Variants in CFAP20DC observed in about 807,000 individuals in gnomAD.
CFAP20DC encodes CFAP20 domain containing.
In CFAP20DC, 84 loss-of-function variants were observed where a neutral mutation model predicts 101.7. That is an observed-to-expected ratio of 0.83 (90% CI 0.69 to 0.99). The LOEUF (loss-of-function observed/expected upper bound fraction) is 0.99. Ranked by LOEUF, CFAP20DC falls within the 50% of genes least tolerant of loss-of-function variation. The pLI is 0.00. For missense variants in CFAP20DC, 1,007 were observed against 970.3 expected (o/e 1.04, Z -0.50); for synonymous variants, 359 against 351.2 (o/e 1.02, Z -0.25).
At chr3:58,774,255 T>C (rs1035830162) in intron 15 of CFAP20DC, among the ~76,000 whole-genome samples, 3 of 152,220 alleles carry the variant, frequency 2.0e-5, no homozygotes, top group Non-Finnish European at 4.4e-5. Flanking sequence ...TATGGTTTTC[T>C]TGATTAACAA....
intron 15 of CFAP20DC, among the ~76,000 whole-genome samples, chr3:58,754,675 CTAAA>C (rs567869061): frequency 3.3e-5 from 5 of 152,270 alleles, no homozygotes; most frequent in Admixed American, 3.3e-4. Context: ...GTCTTTATAA[CTAAA>C]TAATTTCTTT....
chr3:59,048,667 C>T (rs1313526324), intron 1 of CFAP20DC, among the ~76,000 whole-genome samples: 1 of 152,164 alleles, frequency 6.6e-6, no homozygotes, highest in Admixed American at 6.5e-5. Context: ...CTGCAGACTA[C>T]TCCGAGAGCA....
chr3:58,915,814 A>G (rs913387072), intron 5 of CFAP20DC, among the ~76,000 whole-genome samples: 6 of 152,142 alleles, frequency 3.9e-5, no homozygotes, highest in African/African-American at 1.4e-4. Flanking sequence ...ATCTAATCAT[A>G]CTGTCAACTC....
chr3:58,853,080 C>T (rs1158784705), intron 12 of CFAP20DC, among the ~76,000 whole-genome samples: 1 of 152,084 alleles, frequency 6.6e-6, no homozygotes, highest in African/African-American at 2.4e-5. Flanking sequence ...AATTGATAGA[C>T]CGCTAGCAAG....
intron 5 of CFAP20DC, among the ~76,000 whole-genome samples, chr3:58,921,706 G>A (rs1017556518): frequency 6.6e-6 from 1 of 152,144 alleles, no homozygotes; most frequent in African/African-American, 2.4e-5. Flanking sequence ...TTCTGCACTT[G>A]TCAGGTGTTC....
chr3:58,913,904 T>C lies in CFAP20DC; in HGVS notation c.394-40A>G. 6.2e-7 allele frequency: 1 copy of C among 1,604,926 alleles called. No homozygotes were observed. The highest frequency in any genetic ancestry group is 8.5e-7 in the Non-Finnish European group (1 of 1,173,330). On this transcript the variant is annotated intron_variant, in intron 5 of 16. Transcript: ENST00000482387. This position sits in a 1 kb window ranked among gnomAD's most constrained non-coding sequence, Gnocchi z 4.4. ...TGCAAAGAAGAGTAAGGACCTTTCA[T>C]CAACACATAAATGAACAAACCATCT...
At chr3:58,826,480 G>A (rs2076050134) in intron 14 of CFAP20DC, among the ~76,000 whole-genome samples, 1 of 152,010 alleles carries the variant, frequency 6.6e-6, no homozygotes, top group Non-Finnish European at 1.5e-5. Context: ...GACGGGCACT[G>A]CTGTGTGATG....
chr3:58,941,611 C>G (rs978875502), intron 4 of CFAP20DC, among the ~76,000 whole-genome samples: 7 of 151,686 alleles, frequency 4.6e-5, no homozygotes, highest in African/African-American at 1.7e-4. Flanking sequence ...CTCTGTGGCC[C>G]AGGCTGGAGT....
chr3:59,029,203 T>C (rs1355144094), intron 4 of CFAP20DC, among the ~76,000 whole-genome samples: 1 of 152,118 alleles, frequency 6.6e-6, no homozygotes, highest in African/African-American at 2.4e-5. Flanking sequence ...GCCTATTACG[T>C]GTCATGCCTT....
At chr3:59,029,208 T>C (rs1242997593) in intron 4 of CFAP20DC, among the ~76,000 whole-genome samples, 1 of 152,284 alleles carries the variant, frequency 6.6e-6, no homozygotes, top group South Asian at 2.1e-4. Flanking sequence ...TTACGTGTCA[T>C]GCCTTGTGCT....
At chr3:58,915,671 A>G (rs1400321318) in intron 5 of CFAP20DC, among the ~76,000 whole-genome samples, 1 of 152,118 alleles carries the variant, frequency 6.6e-6, no homozygotes, top group African/African-American at 2.4e-5. Flanking sequence ...CATGGTGGGT[A>G]TGTGGGGAGG....
In CFAP20DC at chr3:58,863,269, A is replaced by G. The variant is rs572617954; in HGVS notation, c.1593+289T>C. ...TCTTGCTATCATAGCACTAAACTGC[A>G]TATCGTTTCTCATCCTGTGATTCAA... On this transcript the variant is annotated intron_variant, in intron 12 of 16. Coordinates refer to ENST00000482387, the MANE Select transcript of CFAP20DC (RefSeq NM_001394063.1). The surrounding 1 kb of genome is among the most constrained non-coding windows in gnomAD (Gnocchi z 5.9). 3 of 1,401,994 alleles carry G rather than the reference A, an allele frequency of 2.1e-6. No homozygotes were observed. In the East Asian group the frequency reaches 7.8e-5, roughly 36 times the overall value. 86.8% of individuals were successfully genotyped at this position (1,401,994 alleles called of 1,614,324 possible). A position where few individuals can be genotyped will look rare whatever the true frequency, so the allele number is the denominator to read the frequency against.
chr3:58,999,322 T>C (rs1484730260), intron 4 of CFAP20DC, among the ~76,000 whole-genome samples: 2 of 152,120 alleles, frequency 1.3e-5, no homozygotes, highest in Admixed American at 6.5e-5. Flanking sequence ...AAATGCCGAC[T>C]AGAGATAGCA....
intron 3 of CFAP20DC, among the ~76,000 whole-genome samples, chr3:58,718,541 C>T (rs1390980488): frequency 6.6e-6 from 1 of 152,204 alleles, no homozygotes; most frequent in Admixed American, 6.5e-5. Flanking sequence ...GCCAATTCCA[C>T]CCAGAGCCAT....
In CFAP20DC at chr3:59,048,557, T is replaced by C. The variant is rs780485302; in HGVS notation, c.21+1054A>G. The stretch of plus-strand genomic sequence containing the variant: ...CTCCAAGTTTCCTGTAGTGGGCACA[T>C]GTTTTTTTGATAATATATTTTACCT... On this transcript the variant is annotated intron_variant, in intron 1 of 16. Coordinates refer to ENST00000482387, the MANE Select transcript of CFAP20DC (RefSeq NM_001394063.1). Among the ~76,000 whole-genome samples the C allele has an allele frequency of 2.0e-5, 3 of 152,154 alleles. No individual in the cohort carries two copies. In the East Asian group the frequency reaches 5.8e-4, roughly 29 times the overall value.
At chr3:58,731,399 T>C (rs1285075240) in intron 3 of CFAP20DC, among the ~76,000 whole-genome samples, 2 of 152,222 alleles carry the variant, frequency 1.3e-5, no homozygotes, top group African/African-American at 4.8e-5. Context: ...CTGTCTGTTG[T>C]GTTATGAATT....
intron 6 of CFAP20DC, among the ~76,000 whole-genome samples, chr3:58,886,265 G>A (rs2081618189): frequency 6.6e-6 from 1 of 152,002 alleles, no homozygotes; most frequent in East Asian, 1.9e-4. Flanking sequence ...AGCACTTGAG[G>A]AGTGTTAAGT....
chr3:58,810,463 T>C (rs562233129), intron 14 of CFAP20DC, among the ~76,000 whole-genome samples: 1 of 152,234 alleles, frequency 6.6e-6, no homozygotes, highest in East Asian at 1.9e-4. Context: ...CACATCATAA[T>C]CCCAATAGAT....
At chr3:58,966,408 T>G (rs932558846) in intron 4 of CFAP20DC, among the ~76,000 whole-genome samples, 4 of 151,786 alleles carry the variant, frequency 2.6e-5, no homozygotes, top group African/African-American at 7.2e-5. Context: ...GAGAAATAAA[T>G]TTAACAAAAG....
Sources: gnomAD v4.1 joint callset for allele counts (sites outside exome capture counted in the v4.1 genomes callset) on GRCh38, gnomAD v4.1.1 for gene constraint, Gnocchi (gnomAD v3.1) non-coding constraint, MANE v1.5 for transcripts, NCBI Gene and HGNC (gene_info 2026-07-23, HGNC 2026-07-21) for gene names.